The following MECOM variants were observed in gnomAD, a reference collection of about 807,000 sequenced individuals.
MECOM encodes MDS1 and EVI1 complex locus.
Under a neutral mutation model 116.3 loss-of-function variants are expected in MECOM, and 13 were observed. The observed-to-expected ratio is 0.11, with a 90% CI of 0.07 to 0.18. MECOM has a LOEUF of 0.18. Among genes scored for constraint, MECOM ranks in the 10% least tolerant of loss-of-function variants. The pLI, the probability that MECOM is intolerant of heterozygous loss-of-function variation, is 1.00. For synonymous variants in MECOM, 528 were observed against 535.2 expected, an observed-to-expected ratio of 0.99 and a Z score of 0.19; for missense variants, 1,299 against 1,509.0, an observed-to-expected ratio of 0.86 and a Z score of 2.31.
At chr3:169,657,398 T>C (rs904985940) in intron 1 of MECOM, among the ~76,000 whole-genome samples, 53 of 152,372 alleles carry the variant, frequency 3.5e-4, no homozygotes, top group African/African-American at 1.1e-3. Context: ...TGTTTGTTTA[T>C]TTTTTTAAAA....
chr3:169,405,020 T>G (rs1186238481), intron 1 of MECOM, among the ~76,000 whole-genome samples: 1 of 152,226 alleles, frequency 6.6e-6, no homozygotes, highest in African/African-American at 2.4e-5. Context: ...GAATGAATTT[T>G]TAATAAACAC....
intron 1 of MECOM, among the ~76,000 whole-genome samples, chr3:169,592,267 G>C (rs958286217): frequency 6.6e-6 from 1 of 152,216 alleles, no homozygotes; most frequent in African/African-American, 2.4e-5. Flanking sequence ...AAAAATCTGG[G>C]CATCAGCACT....
intron 1 of MECOM, among the ~76,000 whole-genome samples, chr3:169,382,849 C>CAAA (rs1157852145): frequency 9.3e-4 from 44 of 47,084 alleles, no homozygotes; most frequent in African/African-American, 3.4e-3. Flanking sequence ...AAGCCCATCT[C>CAAA]AAAAAAAAAA....
At chr3:169,504,526 T>C (rs955504012) in intron 1 of MECOM, among the ~76,000 whole-genome samples, 2 of 152,188 alleles carry the variant, frequency 1.3e-5, no homozygotes, top group Non-Finnish European at 2.9e-5. Context: ...CTATTCCACT[T>C]TATTTTCATG....
chr3:169,234,238 C>T (rs567961331), intron 2 of MECOM, among the ~76,000 whole-genome samples: 2 of 151,910 alleles, frequency 1.3e-5, no homozygotes, highest in South Asian at 4.2e-4. Flanking sequence ...GTACTCTGTG[C>T]CATTCAAGCG....
At chr3:169,143,670 G>A in intron 3 of MECOM, 28 bp downstream of exon 3, 1 of 1,543,632 alleles carries the variant, frequency 6.5e-7, no homozygotes, top group Admixed American at 1.9e-5. Flanking sequence ...TGCTCTCAAG[G>A]AAAGACAAGA....
chr3:169,215,874 T>TCCGCCTCAGCTGGCATC (rs1751363463), intron 2 of MECOM, among the ~76,000 whole-genome samples: 1 of 152,212 alleles, frequency 6.6e-6, no homozygotes, highest in Non-Finnish European at 1.5e-5. Flanking sequence ...AGGCTGGCAT[T>TCCGCCTCAGCTGGCATC]CCGCCTCAGC....
At chr3:169,438,936 C>T (rs964213215) in intron 1 of MECOM, among the ~76,000 whole-genome samples, 58 of 151,932 alleles carry the variant, frequency 3.8e-4, no homozygotes, top group African/African-American at 1.3e-3. Flanking sequence ...AAATTAAAAA[C>T]AATCTCAAGC....
In MECOM at chr3:169,149,933, C is replaced by CTGTGTG. The variant is rs1160142424; in HGVS notation, c.376-6102_376-6101insCACACA. Among the ~76,000 whole-genome samples, 170 of 116,148 alleles carry CTGTGTG rather than the reference C, an allele frequency of 1.5e-3. 1 individual carries two copies. The highest frequency in any genetic ancestry group is 4.7e-3 in the African/African-American group (151 of 31,840). 76.2% of individuals were successfully genotyped at this position (116,148 alleles called of 152,430 possible). On this transcript the variant is annotated intron_variant, in intron 2 of 16. Coordinates refer to ENST00000651503, the MANE Select transcript of MECOM (RefSeq NM_004991.4). ...TAAATCTTAATCTCTCTTTCTCTCT[C>CTGTGTG]TCTGTGTGTGTGTGTGTGTGTGTGT...
At chr3:169,568,070 T>G (rs1416856385) in intron 1 of MECOM, among the ~76,000 whole-genome samples, 1 of 151,500 alleles carries the variant, frequency 6.6e-6, no homozygotes, top group African/African-American at 2.4e-5. Flanking sequence ...CCACGGAGGG[T>G]GAGCAGAAGC....
At chr3:169,381,674 A>G (rs1207719039) in intron 1 of MECOM, 150 bp from the exon 2 acceptor site, 3 of 652,880 alleles carry the variant, frequency 4.6e-6, no homozygotes, top group Non-Finnish European at 7.6e-6. Flanking sequence ...TATTATTTAC[A>G]GGCCAGGGAG....
intron 14 of MECOM, among the ~76,000 whole-genome samples, chr3:169,091,055 T>G (rs1196739009): frequency 6.6e-6 from 1 of 152,124 alleles, no homozygotes; most frequent in South Asian, 2.1e-4. Context: ...ATATCATTAT[T>G]AAGCTTTTAA....
chr3:169,489,751 A>T (rs774172606), intron 1 of MECOM, among the ~76,000 whole-genome samples: 1 of 152,246 alleles, frequency 6.6e-6, no homozygotes, highest in Non-Finnish European at 1.5e-5. Flanking sequence ...TTTCAAATAA[A>T]TACCTAAATA....
rs1776148241 is a variant in MECOM at position 169,660,547 on chromosome 3, A to G, written c.37+2789T>C. Among the ~76,000 whole-genome samples, 4 of 152,330 alleles carry G rather than the reference A, an allele frequency of 2.6e-5. No homozygotes were observed. The South Asian group carries it at 8.3e-4, about 32-fold the overall frequency. Reference sequence around the variant, plus strand: ...ACCACCAAAGAAATTTACAAAAGACAAAAAGAACAACAAGCTACCGAGAAA... The same window carrying G: ...ACCACCAAAGAAATTTACAAAAGACGAAAAGAACAACAAGCTACCGAGAAA... On this transcript the variant is annotated intron_variant, in intron 1 of 16. Transcript: ENST00000651503.
At chr3:169,197,445 C>G (rs1438537751) in intron 2 of MECOM, among the ~76,000 whole-genome samples, 1 of 151,964 alleles carries the variant, frequency 6.6e-6, no homozygotes, top group Non-Finnish European at 1.5e-5. Flanking sequence ...GGTGTCTGCT[C>G]ATCCATATAC....
At chr3:169,247,357 G>A (rs1015348473) in intron 2 of MECOM, among the ~76,000 whole-genome samples, 21 of 151,620 alleles carry the variant, frequency 1.4e-4, no homozygotes, top group Non-Finnish European at 5.9e-5. Flanking sequence ...CCAGGCTGGA[G>A]TGTAATGGCA....
intron 2 of MECOM, among the ~76,000 whole-genome samples, chr3:169,216,792 T>G (rs1284857038): frequency 6.6e-6 from 1 of 152,062 alleles, no homozygotes; most frequent in Non-Finnish European, 1.5e-5. Flanking sequence ...TATACAGATA[T>G]GCATAGCAAA....
chr3:169,214,902 C>T (rs988859156), intron 2 of MECOM, among the ~76,000 whole-genome samples: 51 of 147,384 alleles, frequency 3.5e-4, no homozygotes, highest in Non-Finnish European at 4.8e-4. Context: ...ACAAAATCTA[C>T]ATTATAAATA....
chr3:169,277,825 AC>A (rs979648832), intron 2 of MECOM, among the ~76,000 whole-genome samples: 7 of 152,210 alleles, frequency 4.6e-5, no homozygotes, highest in Admixed American at 3.3e-4. Context: ...AAGGGAACTC[AC>A]ACCGCAAAAC....
Sources: allele counts gnomAD v4.1 joint callset (sites outside exome capture counted in the v4.1 genomes callset), GRCh38; gene constraint gnomAD v4.1.1; transcripts MANE v1.5; gene names NCBI Gene and HGNC (gene_info 2026-07-23, HGNC 2026-07-21).